The following LIPC variants were observed in gnomAD, a reference collection of about 807,000 sequenced individuals.
LIPC encodes hepatic triacylglycerol lipase.
Under a neutral mutation model 50.7 loss-of-function variants are expected in LIPC, and 44 were observed. That is an observed-to-expected ratio of 0.87 (90% CI 0.68 to 1.11). The LOEUF (loss-of-function observed/expected upper bound fraction) is 1.11. Ranked by LOEUF, LIPC falls within the 50% of genes most tolerant of loss-of-function variation. LIPC has a pLI of 0.00. For missense variants in LIPC, 697 were observed against 648.2 expected, an observed-to-expected ratio of 1.08 and a Z score of -0.82; for synonymous variants, 271 against 256.4, an observed-to-expected ratio of 1.06 and a Z score of -0.54.
chr15:58,528,215 G>A (rs541826474), intron 1 of LIPC, among the ~76,000 whole-genome samples: 11 of 152,084 alleles, frequency 7.2e-5, no homozygotes, highest in South Asian at 2.1e-4. Flanking sequence ...TGCTGCAAGC[G>A]TTTATCTTTG....
intron 1 of LIPC, among the ~76,000 whole-genome samples, chr15:58,488,443 G>T (rs1460354696): frequency 6.6e-6 from 1 of 152,224 alleles, no homozygotes; most frequent in African/African-American, 2.4e-5. Flanking sequence ...TAGGCACTGT[G>T]CTAGGTGTTT....
chr15:58,485,047 A>T (rs1487688719), intron 1 of LIPC, among the ~76,000 whole-genome samples: 1 of 152,224 alleles, frequency 6.6e-6, no homozygotes, highest in Non-Finnish European at 1.5e-5. Flanking sequence ...CACCCTCACT[A>T]CAGGCCAAGG....
chr15:58,497,119 G>C (rs1036550063), intron 1 of LIPC, among the ~76,000 whole-genome samples: 1 of 152,250 alleles, frequency 6.6e-6, no homozygotes, highest in African/African-American at 2.4e-5. Flanking sequence ...CACTGAGGAA[G>C]ACATAATAGG....
At chr15:58,437,516 AT>A (rs1198824180) in intron 1 of LIPC, among the ~76,000 whole-genome samples, 1 of 152,144 alleles carries the variant, frequency 6.6e-6, no homozygotes, top group Non-Finnish European at 1.5e-5. Flanking sequence ...GGTTTGGAGG[AT>A]TTAAGTACTT....
chr15:58,500,001 GGAGTAAGGA>G (rs2140834603), intron 1 of LIPC, among the ~76,000 whole-genome samples: 2 of 152,216 alleles, frequency 1.3e-5, no homozygotes, highest in East Asian at 3.9e-4. Flanking sequence ...GTGTCCAGCT[GGAGTAAGGA>G]GAGTAAGGTA....
intron 1 of LIPC, among the ~76,000 whole-genome samples, chr15:58,473,003 C>CA (rs1432209079): frequency 2.0e-5 from 3 of 152,164 alleles, no homozygotes; most frequent in African/African-American, 7.2e-5. Context: ...AAAACACTAC[C>CA]ACCCTACCCT....
At chr15:58,520,118 TTTTTG>T (rs1194407768) in intron 1 of LIPC, among the ~76,000 whole-genome samples, 46 of 143,358 alleles carry the variant, frequency 3.2e-4, no homozygotes, top group East Asian at 5.9e-4. Flanking sequence ...GGCTGTTTTT[TTTTTG>T]TTTTTTTTTT....
intron 8 of LIPC, chr15:58,566,200 C>A (rs1346115083): frequency 6.1e-6 from 6 of 985,304 alleles, no homozygotes; most frequent in East Asian, 1.1e-4. Context: ...CATTACACAA[C>A]CCGGGAAGTG....
At chr15:58,490,703 AG>A (rs747953867) in intron 1 of LIPC, among the ~76,000 whole-genome samples, 4 of 152,230 alleles carry the variant, frequency 2.6e-5, no homozygotes, top group Non-Finnish European at 4.4e-5. Flanking sequence ...CGTCATCTCC[AG>A]CTCTCTGAAC....
chr15:58,483,451 T>C (rs1385142050), intron 1 of LIPC, among the ~76,000 whole-genome samples: 2 of 152,110 alleles, frequency 1.3e-5, no homozygotes, highest in Non-Finnish European at 2.9e-5. Flanking sequence ...ATCCTGAGGG[T>C]AGAAGAAGAT....
intron 1 of LIPC, among the ~76,000 whole-genome samples, chr15:58,519,160 G>A (rs1892574610): frequency 6.6e-6 from 1 of 152,096 alleles, no homozygotes; most frequent in Non-Finnish European, 1.5e-5. Context: ...TGTAATCCCA[G>A]AACTTCAGGA....
At chr15:58,447,547 T>C (rs1262341688) in intron 1 of LIPC, among the ~76,000 whole-genome samples, 1 of 152,234 alleles carries the variant, frequency 6.6e-6, no homozygotes, top group Non-Finnish European at 1.5e-5. Flanking sequence ...CATATCATGT[T>C]TGCATTGTTT....
intron 5 of LIPC, 102 bp from the exon 6 acceptor site, chr15:58,548,228 T>A: frequency 6.7e-7 from 1 of 1,502,342 alleles, no homozygotes. Flanking sequence ...CTGTTCTGTG[T>A]GCTACTGCTA....
chr15:58,455,902 G>A (rs917044360), intron 1 of LIPC, among the ~76,000 whole-genome samples: 3 of 152,116 alleles, frequency 2.0e-5, no homozygotes, highest in East Asian at 1.9e-4. Flanking sequence ...CACTGCCTGA[G>A]GGGTGTCTAC....
rs1968683 is a variant in LIPC, at chr15:58,512,786, G to C, written c.89-25547G>C. Among the ~76,000 whole-genome samples the C allele has an allele frequency of 9.5e-4, 144 of 152,270 alleles. 2 individuals are homozygous for C. Among genetic ancestry groups the C allele is most frequent in the Middle Eastern group, 3.4e-3 (1 of 294 alleles). On this transcript the variant is annotated intron_variant, in intron 1 of 8. Transcript: ENST00000299022. ...AGGTAGGAGGCGGGGAAAGGGGATGGAAGGTAAAATCCTGCCCCTGTCCTC... is the reference window on the plus strand; with the variant it reads ...AGGTAGGAGGCGGGGAAAGGGGATGCAAGGTAAAATCCTGCCCCTGTCCTC...
rs78229996 is a variant in LIPC, at chr15:58,453,216, G to A, written c.88+21096G>A. On this transcript the variant is annotated intron_variant, in intron 1 of 8. Coordinates refer to ENST00000299022, the MANE Select transcript of LIPC (RefSeq NM_000236.3). ...TGGCTAAAACAGGCACAACCCCCAC[G>A]TTGCCACACAGTCCCATAAACTCCT... Among the ~76,000 whole-genome samples, 495 of 152,052 alleles carry A rather than the reference G, an allele frequency of 3.3e-3. 3 individuals are homozygous for A. The highest frequency in any genetic ancestry group is 0.011 in the African/African-American group (447 of 41,456).
At chr15:58,517,059 G>C (rs1432581329) in intron 1 of LIPC, among the ~76,000 whole-genome samples, 1 of 152,204 alleles carries the variant, frequency 6.6e-6, no homozygotes. Flanking sequence ...CTTTAGTCTA[G>C]GGCAAATTTG....
intron 1 of LIPC, among the ~76,000 whole-genome samples, chr15:58,518,177 A>G (rs963697716): frequency 6.6e-6 from 1 of 152,222 alleles, no homozygotes; most frequent in Non-Finnish European, 1.5e-5. Flanking sequence ...CACTAATGCC[A>G]GTAGAACTCC....
chr15:58,448,389 C>T lies in LIPC; in HGVS notation c.88+16269C>T, dbSNP rs8023503. 0.13 allele frequency among the ~76,000 whole-genome samples: 19,355 copies of T among 152,284 alleles called. 2,657 individuals carry two copies. The highest frequency in any genetic ancestry group is 0.3 in the African/African-American group (12,517 of 41,534). ...CTCAGGACTGGGGCTTTCTGGGGCT[C>T]ACCTACAGTCTTCCTCCTTTCCTTC... On this transcript the variant is annotated intron_variant, in intron 1 of 8. Coordinates refer to ENST00000299022, the MANE Select transcript of LIPC (RefSeq NM_000236.3).
Sources: allele counts gnomAD v4.1 joint callset (sites outside exome capture counted in the v4.1 genomes callset), GRCh38; gene constraint gnomAD v4.1.1; transcripts MANE v1.5; gene names NCBI Gene and HGNC (gene_info 2026-07-23, HGNC 2026-07-21).